The following CRK variants were observed in gnomAD, a reference collection of about 807,000 sequenced individuals.
CRK encodes CRK proto-oncogene, adaptor protein.
Under a neutral mutation model 29.8 loss-of-function variants are expected in CRK, and 4 were observed. The observed-to-expected ratio is 0.13, with a 90% CI of 0.07 to 0.31. The LOEUF (loss-of-function observed/expected upper bound fraction) is 0.31. Ranked by LOEUF, CRK falls within the 10% of genes least tolerant of loss-of-function variation. The pLI is 1.00. For synonymous variants in CRK, 153 were observed against 164.9 expected, an observed-to-expected ratio of 0.93 and a Z score of 0.55; for missense variants, 274 against 396.5, an observed-to-expected ratio of 0.69 and a Z score of 2.62.
chr17:1,453,006 G>A (rs758180380), intron 1 of CRK, among the ~76,000 whole-genome samples: 3 of 152,182 alleles, frequency 2.0e-5, no homozygotes, highest in Non-Finnish European at 2.9e-5. Flanking sequence ...TACTCAGGAG[G>A]ATGAAGTGGG....
At chr17:1,441,378 G>A (rs1198520977) in intron 1 of CRK, among the ~76,000 whole-genome samples, 3 of 152,060 alleles carry the variant, frequency 2.0e-5, no homozygotes, top group Non-Finnish European at 4.4e-5. Context: ...GTCCAAGCTG[G>A]AGTGCAGTAG....
chr17:1,449,542 A>C (rs1323342699), intron 1 of CRK, among the ~76,000 whole-genome samples: 3 of 152,166 alleles, frequency 2.0e-5, no homozygotes, highest in Non-Finnish European at 2.9e-5. Flanking sequence ...AAAGTTAAAC[A>C]ATTTGCCCAA....
intron 2 of CRK, among the ~76,000 whole-genome samples, chr17:1,427,690 C>T (rs536462524): frequency 1.0e-4 from 15 of 149,672 alleles, no homozygotes; most frequent in African/African-American, 3.2e-4. Flanking sequence ...AGTGCAGTGA[C>T]GCTATCTTGG....
At chr17:1,446,116 A>C (rs2073972943) in intron 1 of CRK, among the ~76,000 whole-genome samples, 2 of 152,142 alleles carry the variant, frequency 1.3e-5, no homozygotes, top group Non-Finnish European at 2.9e-5. Flanking sequence ...GCTAAGCACA[A>C]TGCCTTCCTA....
At chr17:1,431,067 A>AAAAC (rs11273899) in intron 2 of CRK, among the ~76,000 whole-genome samples, 21,205 of 150,572 alleles carry the variant, frequency 0.14, 1,541 homozygotes, top group East Asian at 0.19. Flanking sequence ...ACTCCGTCTC[A>AAAAC]AAACAAACAA....
At position 1,430,884 on chromosome 17, in the gene CRK, G is replaced by A. The variant is rs533822042; in HGVS notation, c.777+5736C>T. On this transcript the variant is annotated intron_variant, in intron 2 of 2. Coordinates refer to ENST00000300574, the MANE Select transcript of CRK (RefSeq NM_016823.4). ...AGATCGAGACCATCCTGGCTAACAC[G>A]GTGAAACCCCGTCTCTACTAAAAAT... Among the ~76,000 whole-genome samples, 331 of 150,478 alleles carry A rather than the reference G, an allele frequency of 2.2e-3. 2 individuals carry two copies. The highest frequency in any genetic ancestry group is 3.4e-3 in the Admixed American group (51 of 15,080).
chr17:1,450,054 T>A (rs1470989697), intron 1 of CRK, among the ~76,000 whole-genome samples: 2 of 151,768 alleles, frequency 1.3e-5, no homozygotes, highest in East Asian at 3.9e-4. Flanking sequence ...ACAAAAAAAT[T>A]AGCTGGGAGT....
At chr17:1,446,918 C>G (rs1007393591) in intron 1 of CRK, among the ~76,000 whole-genome samples, 2 of 152,110 alleles carry the variant, frequency 1.3e-5, no homozygotes, top group African/African-American at 4.8e-5. Context: ...TTTGGCAATC[C>G]CAATAGACAC....
intron 1 of CRK, among the ~76,000 whole-genome samples, chr17:1,453,127 T>G (rs535577723): frequency 6.6e-6 from 1 of 152,188 alleles, no homozygotes; most frequent in East Asian, 1.9e-4. Context: ...AGACAGCAAC[T>G]GAATCGTAGA....
At chr17:1,455,277 T>C (rs2074046987) in intron 1 of CRK, among the ~76,000 whole-genome samples, 1 of 152,142 alleles carries the variant, frequency 6.6e-6, no homozygotes, top group African/African-American at 2.4e-5. Context: ...TAGCACTTAG[T>C]TCACCACCTT....
chr17:1,448,066 C>T (rs879466514), intron 1 of CRK, among the ~76,000 whole-genome samples: 4 of 151,494 alleles, frequency 2.6e-5, no homozygotes, highest in Admixed American at 6.6e-5. Context: ...CGCTTGAACC[C>T]GGGAGGCGGA....
chr17:1,425,790 A>G (rs1403181763), intron 2 of CRK, among the ~76,000 whole-genome samples: 1 of 152,180 alleles, frequency 6.6e-6, no homozygotes, highest in Non-Finnish European at 1.5e-5. Context: ...AGAACTCTCT[A>G]AAAATTACAG....
chr17:1,421,037 T>G lies in CRK; in HGVS notation c.*2476A>C, dbSNP rs563515128. Reference sequence around the variant, plus strand: ...TTTGCAGAAATGATTATATAAAATATAGCAGCCAATTTCAGTTTACTTTGC... The same window carrying G: ...TTTGCAGAAATGATTATATAAAATAGAGCAGCCAATTTCAGTTTACTTTGC... On this transcript the variant is annotated 3_prime_UTR_variant, in exon 3 of 3. Transcript: ENST00000300574. 2 of 152,320 alleles carry G rather than the reference T, an allele frequency of 1.3e-5. No individual in the cohort carries two copies. The highest frequency in any genetic ancestry group is 4.1e-4 in the South Asian group (2 of 4,832). The allele number at this position is 152,320 out of a possible 1,614,324, so 9.4% of individuals were successfully genotyped here.
In CRK at chr17:1,427,030, C is replaced by CAAAAAAAAAAA. The variant is rs562515421; in HGVS notation, c.778-3391_778-3381dup. ...CTGGGCGACAGAGCAAAACTGTCTC[C>CAAAAAAAAAAA]AAAAAAAAAAAAAAAAAAAAAAAAA... On this transcript the variant is annotated intron_variant, in intron 2 of 2. Coordinates refer to ENST00000300574, the MANE Select transcript of CRK (RefSeq NM_016823.4). 4.2e-4 allele frequency among the ~76,000 whole-genome samples: 15 copies of CAAAAAAAAAAA among 35,304 alleles called. 1 individual carries two copies. The highest frequency in any genetic ancestry group is 2.6e-3 in the East Asian group (2 of 776). The allele number at this position is 35,304 out of a possible 152,430, so 23.2% of individuals were successfully genotyped here.
intron 1 of CRK, among the ~76,000 whole-genome samples, chr17:1,449,265 T>A (rs75954573): frequency 6.6e-6 from 1 of 152,050 alleles, no homozygotes; most frequent in Non-Finnish European, 1.5e-5. Context: ...ACGGATGCAC[T>A]CCACCCAGGC....
chr17:1,443,947 G>A (rs567288430), intron 1 of CRK, among the ~76,000 whole-genome samples: 4 of 148,586 alleles, frequency 2.7e-5, no homozygotes, highest in East Asian at 2.0e-4. Context: ...TGATCCGCCC[G>A]CCTCGGCCTC....
At position 1,423,100 on chromosome 17, in the gene CRK, G is replaced by C. The variant is rs927470947; in HGVS notation, c.*413C>G. ...CATGATTACTTCACGGGGGTGGAACGGAACAGTCTGTCGCCATTTGATAGT... is the reference window on the plus strand; with the variant it reads ...CATGATTACTTCACGGGGGTGGAACCGAACAGTCTGTCGCCATTTGATAGT... On this transcript the variant is annotated 3_prime_UTR_variant, in exon 3 of 3. Coordinates refer to ENST00000300574, the MANE Select transcript of CRK (RefSeq NM_016823.4). 1.9e-5 allele frequency: 8 copies of C among 418,830 alleles called. No homozygotes were observed. Among genetic ancestry groups the C allele is most frequent in the South Asian group, 9.7e-5 (1 of 10,358 alleles). The allele number at this position is 418,830 out of a possible 1,614,324, so 25.9% of individuals were successfully genotyped here. A position where few individuals can be genotyped will look rare whatever the true frequency, so the allele number is the denominator to read the frequency against.
chr17:1,456,223 C>G lies in CRK; in HGVS notation c.-106G>C, dbSNP rs1035958909. On this transcript the variant is annotated 5_prime_UTR_variant, in exon 1 of 3. Transcript: ENST00000300574. ...GGCTCCGGTTTCAGCTTCACAGCAGCGCCCGAAATGGCGGCGGCAGCCGCG... is the reference window on the plus strand; with the variant it reads ...GGCTCCGGTTTCAGCTTCACAGCAGGGCCCGAAATGGCGGCGGCAGCCGCG... The G allele has an allele frequency of 2.3e-6, 3 of 1,289,754 alleles. No individual in the cohort carries two copies. The highest frequency in any genetic ancestry group is 4.3e-5 in the Admixed American group (1 of 23,400). The allele number at this position is 1,289,754 out of a possible 1,614,324, so 79.9% of individuals were successfully genotyped here.
rs1261767032 is a variant in CRK, at chr17:1,421,720, T to G, written c.*1793A>C. The G allele has an allele frequency of 6.6e-6, 1 of 152,176 alleles. No individual in the cohort carries two copies. The highest frequency in any genetic ancestry group is 1.5e-5 in the Non-Finnish European group (1 of 68,034). The allele number at this position is 152,176 out of a possible 1,614,324, so 9.4% of individuals were successfully genotyped here. A position where few individuals can be genotyped will look rare whatever the true frequency, so the allele number is the denominator to read the frequency against. ...TGCACACTGACTGTGTGTCAGACAG[T>G]GTGCCGGTCACTCGGACACCACAAT... On this transcript the variant is annotated 3_prime_UTR_variant, in exon 3 of 3. Transcript: ENST00000300574.
Sources: allele counts gnomAD v4.1 joint callset (sites outside exome capture counted in the v4.1 genomes callset), GRCh38; gene constraint gnomAD v4.1.1; transcripts MANE v1.5; gene names NCBI Gene and HGNC (gene_info 2026-07-23, HGNC 2026-07-21).